FSHR: variants seen among roughly 807,000 people sequenced by gnomAD.
FSHR encodes follicle-stimulating hormone receptor.
A neutral mutation model predicts 52.1 loss-of-function variants in FSHR; 46 were observed. The ratio of observed to expected loss-of-function variants is 0.88; its 90% confidence interval spans 0.70 to 1.13. The LOEUF (loss-of-function observed/expected upper bound fraction) is 1.13, where lower values mean the gene tolerates loss of function less well. Among genes scored for constraint, FSHR ranks in the 50% most tolerant of loss-of-function variants. The pLI is 0.00. For missense variants in FSHR, 964 were observed against 834.6 expected (o/e 1.16, Z -1.91); for synonymous variants, 399 against 309.6 (o/e 1.29, Z -3.03).
intron 1 of FSHR, 116 bp from the exon 2 acceptor site, chr2:49,068,406 T>A (rs183264019): frequency 1.2e-6 from 1 of 843,318 alleles, no homozygotes; most frequent in African/African-American, 1.7e-5. Context: ...CATAAAGTAA[T>A]GTTGAAATTG....
chr2:48,973,739 A>G (rs746955715), intron 8 of FSHR, among the ~76,000 whole-genome samples: 11 of 152,226 alleles, frequency 7.2e-5, no homozygotes, highest in Non-Finnish European at 1.5e-4. Flanking sequence ...TTGCTTTGTT[A>G]GAAGATATAC....
chr2:49,008,012 T>C (rs921962098), intron 4 of FSHR, among the ~76,000 whole-genome samples: 1 of 152,012 alleles, frequency 6.6e-6, no homozygotes, highest in African/African-American at 2.4e-5. Context: ...ATTTTCTTTT[T>C]TTTAAATTTT....
chr2:49,149,074 A>T (rs951539586), intron 1 of FSHR, among the ~76,000 whole-genome samples: 1 of 152,000 alleles, frequency 6.6e-6, no homozygotes, highest in African/African-American at 2.4e-5. Context: ...TTTAAAAAAA[A>T]TATTATTATT....
chr2:49,079,119 A>G (rs909893029), intron 1 of FSHR, among the ~76,000 whole-genome samples: 13 of 152,156 alleles, frequency 8.5e-5, no homozygotes, highest in Admixed American at 2.6e-4. Flanking sequence ...ATTTTAAACT[A>G]TATCAATTAC....
chr2:49,079,822 A>C (rs1351177066), intron 1 of FSHR, among the ~76,000 whole-genome samples: 2 of 152,154 alleles, frequency 1.3e-5, no homozygotes, highest in South Asian at 4.1e-4. Context: ...TTTTTAAAAA[A>C]ACACACAAAA....
intron 4 of FSHR, among the ~76,000 whole-genome samples, chr2:49,009,504 A>C (rs1475656285): frequency 3.1e-5 from 4 of 128,892 alleles, no homozygotes; most frequent in African/African-American, 1.1e-4. Flanking sequence ...TGACTTGGTG[A>C]TGCGGGCTCT....
chr2:49,079,390 C>A (rs759088722), intron 1 of FSHR, among the ~76,000 whole-genome samples: 2 of 151,670 alleles, frequency 1.3e-5, no homozygotes, highest in African/African-American at 2.4e-5. Flanking sequence ...TGGAAATTAA[C>A]TGGCTGATTA....
At chr2:49,027,707 A>G (rs1351215028) in intron 2 of FSHR, among the ~76,000 whole-genome samples, 1 of 152,096 alleles carries the variant, frequency 6.6e-6, no homozygotes, top group East Asian at 1.9e-4. Flanking sequence ...AAAACTAGAC[A>G]GGTTTGGTGG....
intron 2 of FSHR, among the ~76,000 whole-genome samples, chr2:49,037,661 G>T (rs1277288817): frequency 6.6e-6 from 1 of 152,150 alleles, no homozygotes. Flanking sequence ...CACTCAATAA[G>T]TGGACTGAAT....
At chr2:48,969,732 AG>A (rs1363585603) in intron 8 of FSHR, among the ~76,000 whole-genome samples, 3 of 152,356 alleles carry the variant, frequency 2.0e-5, no homozygotes, top group African/African-American at 7.2e-5. Context: ...CCTGTCCATT[AG>A]ACCTCAGCAC....
In FSHR at chr2:48,963,950, T is replaced by C; in HGVS notation, c.871A>G (p.Ile291Val). 6.2e-7 allele frequency: 1 copy of C among 1,613,394 alleles called. No individual in the cohort carries two copies. Among genetic ancestry groups the C allele is most frequent in the Non-Finnish European group, 8.5e-7 (1 of 1,179,960 alleles). Reference sequence around the variant, plus strand: ...TGCCTTAAAATAGATTTGTTGCAAATTGGATGAAGCTCAGAGCTAGAAAAA... The same window carrying C: ...TGCCTTAAAATAGATTTGTTGCAAACTGGATGAAGCTCAGAGCTAGAAAAA... ...WRRQISELHP[I>V]CNKSILRQEV... The change falls in exon 10 of 10, where the codon ATT (isoleucine) becomes GTT (valine). Residue 291 changes from isoleucine to valine, a missense_variant. Physicochemically the swap from Ile to Val is conservative, Grantham distance 29. Transcript: ENST00000406846.
At chr2:49,025,406 A>T (rs888281694) in intron 2 of FSHR, among the ~76,000 whole-genome samples, 1 of 152,200 alleles carries the variant, frequency 6.6e-6, no homozygotes. Flanking sequence ...TAGTTACTAG[A>T]AAAAATAAAC....
intron 1 of FSHR, among the ~76,000 whole-genome samples, chr2:49,070,798 T>A (rs1669701960): frequency 6.6e-6 from 1 of 152,208 alleles, no homozygotes; most frequent in Non-Finnish European, 1.5e-5. Flanking sequence ...ATAAACAAGA[T>A]AATCTGAAGA....
chr2:49,127,860 T>TTCC lies in FSHR; in HGVS notation c.152+26405_152+26406insGGA, dbSNP rs1558456890. The stretch of plus-strand genomic sequence containing the variant: ...CTTCTTCTTCTTCTTCTTCTTCTTC[T>TTCC]TCTTCTTCTTCTTCTTCTTCTTCTT... On this transcript the variant is annotated intron_variant, in intron 1 of 9. Transcript: ENST00000406846. 1.0e-4 allele frequency among the ~76,000 whole-genome samples: 4 copies of TTCC among 38,390 alleles called. 1 individual carries two copies. Among genetic ancestry groups the TTCC allele is most frequent in the Admixed American group, 7.8e-4 (2 of 2,552 alleles). 25.2% of individuals were successfully genotyped at this position (38,390 alleles called of 152,430 possible). A position where few individuals can be genotyped will look rare whatever the true frequency, so the allele number is the denominator to read the frequency against.
intron 1 of FSHR, among the ~76,000 whole-genome samples, chr2:49,139,261 C>T (rs1057499435): frequency 2.6e-5 from 4 of 152,144 alleles, no homozygotes; most frequent in Non-Finnish European, 5.9e-5. Flanking sequence ...CCTTTCTCAA[C>T]CCTTCAGTTC....
At position 49,137,785 on chromosome 2, in the gene FSHR, T is replaced by C. The variant is rs2349717; in HGVS notation, c.152+16481A>G. Among the ~76,000 whole-genome samples, 1,035 of 152,206 alleles carry C rather than the reference T, an allele frequency of 6.8e-3. 7 individuals are homozygous for C. The highest frequency in any genetic ancestry group is 9.8e-3 in the Non-Finnish European group (669 of 67,976). ...GAAGTTGGATACTTATCAAGCATCA[T>C]ATACAAGAATTAACTAAAAATGGAT... On this transcript the variant is annotated intron_variant, in intron 1 of 9. Transcript: ENST00000406846.
At position 49,093,595 on chromosome 2, in the gene FSHR, C is replaced by CTT. The variant is rs375094387; in HGVS notation, c.153-25307_153-25306dup. Among the ~76,000 whole-genome samples the CTT allele has an allele frequency of 1.2e-3, 161 of 132,930 alleles. 5 individuals carry two copies. The highest frequency in any genetic ancestry group is 7.9e-3 in the East Asian group (36 of 4,574). The allele number at this position is 132,930 out of a possible 152,430, so 87.2% of individuals were successfully genotyped here. Reference sequence around the variant, plus strand: ...AGCCTTTCTAAAACATTATATTTATCTTTTTTTTTTTTTTTTTGAGACGGA... The same window carrying CTT: ...AGCCTTTCTAAAACATTATATTTATCTTTTTTTTTTTTTTTTTTTGAGACGGA... On this transcript the variant is annotated intron_variant, in intron 1 of 9. Transcript: ENST00000406846.
chr2:48,979,803 C>G (rs886123374), intron 8 of FSHR, among the ~76,000 whole-genome samples: 16 of 151,622 alleles, frequency 1.1e-4, no homozygotes, highest in Non-Finnish European at 8.8e-5. Context: ...ATATCACAGT[C>G]TTTGTGTGTG....
chr2:48,998,345 G>A (rs1404804850), intron 4 of FSHR, among the ~76,000 whole-genome samples: 3 of 152,026 alleles, frequency 2.0e-5, no homozygotes, highest in Non-Finnish European at 4.4e-5. Flanking sequence ...TATGGAAATT[G>A]TTAATTTATT....
Sources: allele counts gnomAD v4.1 joint callset (sites outside exome capture counted in the v4.1 genomes callset), GRCh38; gene constraint gnomAD v4.1.1; transcripts MANE v1.5; gene names NCBI Gene and HGNC (gene_info 2026-07-23, HGNC 2026-07-21).